RAB11FIP3: variants seen among roughly 807,000 people sequenced by gnomAD.
The protein encoded by RAB11FIP3 is rab11 family-interacting protein 3.
RAB11FIP3 carries 17 observed loss-of-function variants against 77.8 expected under a neutral mutation model. That is an observed-to-expected ratio of 0.22 (90% confidence interval 0.15 to 0.33). RAB11FIP3 has a LOEUF of 0.33. Among genes scored for constraint, RAB11FIP3 ranks in the 10% least tolerant of loss-of-function variants. RAB11FIP3 has a pLI of 1.00. For synonymous variants in RAB11FIP3, 437 were observed against 448.2 expected (o/e 0.98, Z 0.31); for missense variants, 1,005 against 1,011.2 (o/e 0.99, Z 0.08).
At position 509,760 on chromosome 16, in the gene RAB11FIP3, C is replaced by A. The variant is rs143917300; in HGVS notation, c.1500-900C>A. Among the ~76,000 whole-genome samples, 801 of 152,286 alleles carry A rather than the reference C, an allele frequency of 5.3e-3. 27 individuals carry two copies. Among genetic ancestry groups the A allele is most frequent in the Admixed American group, 0.032 (489 of 15,294 alleles). On this transcript the variant is annotated intron_variant, in intron 8 of 13. Coordinates refer to ENST00000262305, the MANE Select transcript of RAB11FIP3 (RefSeq NM_014700.4). ...CTGGGAGCAGAGTGGGCCCCCCCCC[C>A]ACTTGTGGCCCCTCACAGCCTCTGG... is the stretch of plus-strand genomic sequence containing the variant.
intron 9 of RAB11FIP3, among the ~76,000 whole-genome samples, chr16:511,079 C>A (rs1397413629): frequency 4.0e-5 from 5 of 125,628 alleles, no homozygotes; most frequent in South Asian, 2.8e-4. Context: ...AACCCCAGAA[C>A]CTGCAGGCCA....
intron 1 of RAB11FIP3, among the ~76,000 whole-genome samples, chr16:439,725 C>T (rs2055193841): frequency 6.6e-6 from 1 of 152,052 alleles, no homozygotes; most frequent in African/African-American, 2.4e-5. Flanking sequence ...AGACATCAAT[C>T]AATATATGAA....
At chr16:490,917 C>T (rs570350144) in intron 5 of RAB11FIP3, among the ~76,000 whole-genome samples, 4 of 152,306 alleles carry the variant, frequency 2.6e-5, no homozygotes, top group South Asian at 2.1e-4. Flanking sequence ...CCCTGAGGCT[C>T]GAGCTGGTGC....
intron 1 of RAB11FIP3, among the ~76,000 whole-genome samples, chr16:429,846 T>G (rs951719155): frequency 6.6e-6 from 1 of 152,162 alleles, no homozygotes; most frequent in Non-Finnish European, 1.5e-5. Flanking sequence ...ATTGAGTATC[T>G]TCTATGTAAT....
intron 9 of RAB11FIP3, among the ~76,000 whole-genome samples, chr16:516,787 G>T (rs1029171883): frequency 3.3e-5 from 5 of 152,232 alleles, no homozygotes; most frequent in African/African-American, 1.2e-4. Context: ...TGAGGCAGGA[G>T]AATCACTTGA....
chr16:517,816 C>G (rs185586316), intron 9 of RAB11FIP3, among the ~76,000 whole-genome samples: 2 of 152,232 alleles, frequency 1.3e-5, no homozygotes, highest in East Asian at 1.9e-4. Flanking sequence ...GGCGCGGTGG[C>G]TCACGCCTGT....
rs770260378 is a variant in RAB11FIP3, at chr16:471,385, A to G, written c.899A>G (p.Tyr300Cys). The change falls in exon 3 of 14, where the codon TAT becomes TGT. Residue 300 changes from tyrosine to cysteine, a missense_variant. By Grantham distance (194) the Tyr-to-Cys change is radical. Transcript: ENST00000262305. This position sits in a 1 kb window ranked among gnomAD's most constrained non-coding sequence, Gnocchi z 4.4. The stretch of plus-strand genomic sequence containing the variant: ...GACGAGTTCGATGACTTCGTCACCT[A>G]TGAGGCAAGTGGTTTTCACCCAGGA... ...CPDEFDDFVT[Y>C]EANEVTDSAY... is the part of the protein sequence containing the mutation. 1.9e-6 allele frequency: 3 copies of G among 1,609,324 alleles called. No individual in the cohort carries two copies. Among genetic ancestry groups the G allele is most frequent in the Non-Finnish European group, 1.7e-6 (2 of 1,176,652 alleles).
At chr16:445,307 C>T (rs2055296113) in intron 1 of RAB11FIP3, among the ~76,000 whole-genome samples, 1 of 147,872 alleles carries the variant, frequency 6.8e-6, no homozygotes. Context: ...GGCCTGGTGG[C>T]AAGTGCCTGT....
At chr16:513,189 G>A (rs978649538) in intron 9 of RAB11FIP3, among the ~76,000 whole-genome samples, 2 of 152,162 alleles carry the variant, frequency 1.3e-5, no homozygotes, top group East Asian at 1.9e-4. Context: ...GGTAGTGAGG[G>A]TGGAGGAAGT....
chr16:496,690 T>TG, intron 5 of RAB11FIP3, 134 bp from the exon 6 acceptor site: 2 of 831,152 alleles, frequency 2.4e-6, no homozygotes, highest in Non-Finnish European at 2.0e-6. Flanking sequence ...TGGACTTGCC[T>TG]GGGGGGCCCT....
intron 1 of RAB11FIP3, among the ~76,000 whole-genome samples, chr16:449,646 CAAA>C (rs34916740): frequency 5.8e-5 from 7 of 121,596 alleles, no homozygotes; most frequent in African/African-American, 6.6e-5. Flanking sequence ...GACCCTATCT[CAAA>C]AAAAAAAAAA....
chr16:481,521 C>A (rs12931423), intron 3 of RAB11FIP3, among the ~76,000 whole-genome samples: 61,406 of 151,386 alleles, frequency 0.41, 13,918 homozygotes, highest in Middle Eastern at 0.54. Context: ...CAAAAAAAAA[C>A]CCCCAAAAAA....
chr16:509,721 C>T (rs1299623919), intron 8 of RAB11FIP3, among the ~76,000 whole-genome samples: 1 of 152,190 alleles, frequency 6.6e-6, no homozygotes, highest in African/African-American at 2.4e-5. Flanking sequence ...CCCACTTCCC[C>T]AGCCTGGAGG....
At chr16:492,680 C>T (rs979320210) in intron 5 of RAB11FIP3, among the ~76,000 whole-genome samples, 3 of 152,230 alleles carry the variant, frequency 2.0e-5, no homozygotes, top group African/African-American at 7.2e-5. Context: ...TCTTCCCACG[C>T]AGAGACTTGC....
intron 1 of RAB11FIP3, among the ~76,000 whole-genome samples, chr16:433,841 GC>G (rs2055082483): frequency 2.0e-5 from 3 of 149,540 alleles, no homozygotes; most frequent in African/African-American, 7.4e-5. Context: ...GGGTGACAGA[GC>G]GAGACTCTGT....
chr16:439,235 C>A (rs1259107825), intron 1 of RAB11FIP3: 1 of 152,184 alleles, frequency 6.6e-6, no homozygotes, highest in Non-Finnish European at 1.5e-5. Flanking sequence ...TAAGTAGGTA[C>A]AGTTCTATTT....
intron 1 of RAB11FIP3, among the ~76,000 whole-genome samples, chr16:438,950 G>A (rs2055179406): frequency 6.6e-6 from 1 of 152,208 alleles, no homozygotes; most frequent in African/African-American, 2.4e-5. Flanking sequence ...GGCACCCAAA[G>A]TGCTGGGATT....
At chr16:499,076 T>C (rs193149062) in intron 6 of RAB11FIP3, among the ~76,000 whole-genome samples, 1 of 151,950 alleles carries the variant, frequency 6.6e-6, no homozygotes, top group East Asian at 1.9e-4. Context: ...GCCAGGTGTG[T>C]TAGCAGGTGC....
At chr16:519,702 ATGCACAGGTAGGTGCG>A in intron 10 of RAB11FIP3, 36 bp from the exon 11 acceptor site, 1 of 1,589,614 alleles carries the variant, frequency 6.3e-7, no homozygotes, top group Non-Finnish European at 8.6e-7. Flanking sequence ...GGCAAGCTGC[ATGCACAGGTAGGTGCG>A]TGACCCGCAT....
Sources: gnomAD v4.1 joint callset for allele counts (sites outside exome capture counted in the v4.1 genomes callset) on GRCh38, gnomAD v4.1.1 for gene constraint, Gnocchi (gnomAD v3.1) non-coding constraint, MANE v1.5 for transcripts, NCBI Gene and HGNC (gene_info 2026-07-23, HGNC 2026-07-21) for gene names.